EXT1: variants seen among roughly 807,000 people sequenced by gnomAD.
EXT1 encodes exostosin-1.
In EXT1, 20 loss-of-function variants were observed where a neutral mutation model predicts 82.5. The observed-to-expected ratio is 0.24, with a 90% CI of 0.17 to 0.35. The LOEUF is 0.35. EXT1 is among the 10% of genes least tolerant of loss of function. EXT1 has a pLI of 1.00. For synonymous variants in EXT1, 348 were observed against 350.8 expected, an observed-to-expected ratio of 0.99 and a Z score of 0.09; for missense variants, 757 against 936.5, an observed-to-expected ratio of 0.81 and a Z score of 2.50.
At chr8:117,985,599 G>A (rs1426002930) in intron 1 of EXT1, among the ~76,000 whole-genome samples, 2 of 151,684 alleles carry the variant, frequency 1.3e-5, no homozygotes, top group Non-Finnish European at 2.9e-5. Flanking sequence ...GAAGAACTGG[G>A]AGGAAAAAAA....
At position 117,830,327 on chromosome 8, in the gene EXT1, A is replaced by G; in HGVS notation, c.1187T>C (p.Ile396Thr). 1.9e-6 allele frequency: 3 copies of G among 1,614,100 alleles called. No individual in the cohort carries two copies. The African/African-American group carries it at 4.0e-5, about 22-fold the overall frequency. ...LLQIPSTIRSIHQDKILALRQ... is the reference protein window; with the variant it reads ...LLQIPSTIRSTHQDKILALRQ... The stretch of plus-strand genomic sequence containing the variant: ...AAGTGCTAGGATTTTATCCTGATGA[A>G]TAGACCTGATTGTAGAAGGAATCTG... The change falls in exon 4 of 11, where the codon ATT (isoleucine) becomes ACT (threonine). Residue 396 changes from isoleucine to threonine, a missense_variant. By Grantham distance (89) the Ile-to-Thr change is moderately conservative. Coordinates refer to ENST00000378204, the MANE Select transcript of EXT1 (RefSeq NM_000127.3).
chr8:118,026,807 C>T (rs1816210248), intron 1 of EXT1, among the ~76,000 whole-genome samples: 1 of 152,214 alleles, frequency 6.6e-6, no homozygotes. Context: ...CCATTAGCCA[C>T]ACATTCTGGA....
chr8:117,865,858 C>T (rs1812766926), intron 1 of EXT1, among the ~76,000 whole-genome samples: 1 of 152,150 alleles, frequency 6.6e-6, no homozygotes, highest in African/African-American at 2.4e-5. Context: ...AGCAATATCA[C>T]ATTAATAAAG....
chr8:117,924,867 A>T (rs1206226147), intron 1 of EXT1, among the ~76,000 whole-genome samples: 1 of 152,188 alleles, frequency 6.6e-6, no homozygotes, highest in Non-Finnish European at 1.5e-5. Flanking sequence ...TGCCTCTTGA[A>T]ATGTATACAT....
intron 1 of EXT1, among the ~76,000 whole-genome samples, chr8:118,073,573 T>C (rs1233919815): frequency 6.6e-6 from 1 of 151,428 alleles, no homozygotes; most frequent in Admixed American, 6.6e-5. Context: ...GTAGCTGAGA[T>C]CATGCCACTG....
chr8:118,059,665 AC>A, intron 1 of EXT1, among the ~76,000 whole-genome samples: 1 of 152,120 alleles, frequency 6.6e-6, no homozygotes, highest in Non-Finnish European at 1.5e-5. Context: ...GACCTGCCCA[AC>A]CCTACGCAAG....
In EXT1 at chr8:117,837,138, A is replaced by G. The variant is rs757190649; in HGVS notation, c.1026T>C (p.Leu342=). 6.2e-7 allele frequency: 1 copy of G among 1,614,098 alleles called. No homozygotes were observed. Among genetic ancestry groups the G allele is most frequent in the Non-Finnish European group, 8.5e-7 (1 of 1,179,972 alleles). The change falls in exon 2 of 11, where the codon CTT becomes CTC. Residue 342 remains leucine, a synonymous_variant. Coordinates refer to ENST00000378204, the MANE Select transcript of EXT1 (RefSeq NM_000127.3). ...TFCLVPRGRR[L]GSFRFLEALQ... ...AAGCCTCCAGGAATCTGAAGGACCC[A>G]AGCCTGCGACCACGAGGAACCAGAC...
intron 1 of EXT1, among the ~76,000 whole-genome samples, chr8:117,851,911 G>A (rs1812461046): frequency 6.6e-6 from 1 of 152,292 alleles, no homozygotes; most frequent in African/African-American, 2.4e-5. Context: ...TGGAATGGAA[G>A]GGCATCCATA....
chr8:117,915,653 G>C (rs1039199998), intron 1 of EXT1, among the ~76,000 whole-genome samples: 3 of 152,086 alleles, frequency 2.0e-5, no homozygotes, highest in Admixed American at 2.0e-4. Context: ...TGAGGAGTTC[G>C]AGACCAGCCT....
At chr8:118,084,785 T>C (rs1012395153) in intron 1 of EXT1, among the ~76,000 whole-genome samples, 3 of 152,238 alleles carry the variant, frequency 2.0e-5, no homozygotes, top group East Asian at 3.9e-4. Flanking sequence ...GGGCAAGTCA[T>C]TGAACTCAAG....
intron 1 of EXT1, among the ~76,000 whole-genome samples, chr8:117,923,656 G>A (rs1416805526): frequency 6.7e-6 from 1 of 150,150 alleles, no homozygotes; most frequent in African/African-American, 2.5e-5. Context: ...AACCCGGGAG[G>A]TGGAGCTGGC....
At chr8:117,809,245 T>TATATA (rs1563874289) in intron 8 of EXT1, among the ~76,000 whole-genome samples, 11 of 66,088 alleles carry the variant, frequency 1.7e-4, no homozygotes, top group Middle Eastern at 0.012. Flanking sequence ...ATATATATAT[T>TATATA]ATGTTCTATT....
chr8:117,894,376 G>A (rs1813299674), intron 1 of EXT1, among the ~76,000 whole-genome samples: 1 of 152,060 alleles, frequency 6.6e-6, no homozygotes, highest in East Asian at 1.9e-4. Flanking sequence ...CCTCCATGCT[G>A]GTCCTGTTGG....
chr8:117,945,409 C>G (rs1277672268), intron 1 of EXT1, among the ~76,000 whole-genome samples: 1 of 152,168 alleles, frequency 6.6e-6, no homozygotes, highest in Non-Finnish European at 1.5e-5. Context: ...AGCTGGACTC[C>G]ACGGAGCTCT....
intron 8 of EXT1, among the ~76,000 whole-genome samples, chr8:117,808,517 G>A (rs1823268920): frequency 6.6e-6 from 1 of 152,200 alleles, no homozygotes; most frequent in Admixed American, 6.5e-5. Context: ...TGTTACTCCA[G>A]TGTTAAAAGC....
intron 1 of EXT1, among the ~76,000 whole-genome samples, chr8:118,002,330 G>A (rs1232176744): frequency 7.1e-5 from 10 of 141,316 alleles, no homozygotes; most frequent in Admixed American, 6.8e-4. Context: ...GCAGTGAGTC[G>A]AGATAGCACC....
At chr8:118,045,435 C>T (rs920773797) in intron 1 of EXT1, among the ~76,000 whole-genome samples, 1 of 152,184 alleles carries the variant, frequency 6.6e-6, no homozygotes, top group Admixed American at 6.5e-5. Flanking sequence ...CATTCACGCT[C>T]TCAAACCAGT....
intron 1 of EXT1, among the ~76,000 whole-genome samples, chr8:117,926,662 C>T (rs954385196): frequency 2.0e-5 from 3 of 152,056 alleles, no homozygotes; most frequent in Non-Finnish European, 4.4e-5. Flanking sequence ...TCACTGAAGC[C>T]GAAGCCACAT....
intron 4 of EXT1, among the ~76,000 whole-genome samples, chr8:117,822,995 G>A (rs761206059): frequency 2.6e-5 from 4 of 152,098 alleles, no homozygotes; most frequent in Non-Finnish European, 4.4e-5. Flanking sequence ...AACAAGAGAG[G>A]TCAATGTAGA....
Sources: allele counts gnomAD v4.1 joint callset (sites outside exome capture counted in the v4.1 genomes callset), GRCh38; gene constraint gnomAD v4.1.1; transcripts MANE v1.5; gene names NCBI Gene and HGNC (gene_info 2026-07-23, HGNC 2026-07-21).